NUDCD1: variants seen among roughly 807,000 people sequenced by gnomAD.
The protein encoded by NUDCD1 is NudC domain containing 1, also known as nudC domain-containing protein 1.
In NUDCD1, 60 loss-of-function variants were observed where a neutral mutation model predicts 67.8. The ratio of observed to expected loss-of-function variants is 0.88; its 90% CI spans 0.72 to 1.10. The LOEUF (loss-of-function observed/expected upper bound fraction) is 1.10. Among genes scored for constraint, NUDCD1 ranks in the 50% least tolerant of loss-of-function variants. The probability of loss-of-function intolerance (pLI) is 0.00; values close to 1 mark genes in which losing one functional copy is unlikely to be tolerated. For synonymous variants in NUDCD1, 244 were observed against 230.8 expected (o/e 1.06, Z -0.52); for missense variants, 643 against 695.0 (o/e 0.93, Z 0.84).
In NUDCD1 at chr8:109,241,247, T is replaced by C. The variant is rs1369222524; in HGVS notation, c.*1762A>G. On this transcript the variant is annotated 3_prime_UTR_variant, in exon 10 of 10. Transcript: ENST00000239690. ...AAAAAAATCACATGCACAAAGAATA[T>C]TGATTACTAAAATTGGCAATATATA... 5 of 152,166 alleles carry C rather than the reference T, an allele frequency of 3.3e-5. No individual in the cohort carries two copies. Among genetic ancestry groups the C allele is most frequent in the African/African-American group, 9.7e-5 (4 of 41,444 alleles). The allele number at this position is 152,166 out of a possible 1,614,324, so 9.4% of individuals were successfully genotyped here.
intron 2 of NUDCD1, among the ~76,000 whole-genome samples, chr8:109,319,101 G>A (rs888376682): frequency 1.3e-5 from 2 of 151,758 alleles, no homozygotes; most frequent in East Asian, 3.9e-4. Context: ...AGCCTCCTGA[G>A]TAGCTGGGAC....
At chr8:109,273,139 G>A (rs779648305) in intron 7 of NUDCD1, among the ~76,000 whole-genome samples, 105 of 152,090 alleles carry the variant, frequency 6.9e-4, no homozygotes, top group Non-Finnish European at 1.1e-3. Context: ...AAACTGAGTC[G>A]AAAAAGACAA....
chr8:109,273,065 G>A (rs1814195035), intron 7 of NUDCD1, among the ~76,000 whole-genome samples: 1 of 152,172 alleles, frequency 6.6e-6, no homozygotes, highest in Admixed American at 6.6e-5. Context: ...AGAGAGACAA[G>A]GAAATTGCAG....
intron 2 of NUDCD1, among the ~76,000 whole-genome samples, chr8:109,308,108 C>T (rs190222599): frequency 6.6e-6 from 1 of 152,292 alleles, no homozygotes; most frequent in Admixed American, 6.5e-5. Context: ...TTAAACTATA[C>T]CCTGGAACAA....
At chr8:109,261,804 C>T (rs918803474) in intron 8 of NUDCD1, among the ~76,000 whole-genome samples, 18 of 151,884 alleles carry the variant, frequency 1.2e-4, no homozygotes, top group South Asian at 2.1e-4. Flanking sequence ...ATAATTTGCC[C>T]GGTTTAATTA....
rs1311858295 is a variant in NUDCD1, at chr8:109,293,513, A to G, written c.471T>C (p.Asn157=). The G allele has an allele frequency of 6.5e-7, 1 of 1,534,482 alleles. No individual in the cohort carries two copies. The highest frequency in any genetic ancestry group is 2.2e-5 in the Admixed American group (1 of 45,852). ...TAATAAAAGGATCCCCAAGTTCTTC[A>G]TTAAACATAATCTACAAAACAAAAT... is the stretch of plus-strand genomic sequence containing the variant. ...SASEKWEIMF[N]EELGDPFIII... is the part of the protein sequence containing the mutation. The change falls in exon 4 of 10, where the codon AAT becomes AAC. Residue 157 remains asparagine, a synonymous_variant. Coordinates refer to ENST00000239690, the MANE Select transcript of NUDCD1 (RefSeq NM_032869.4).
At chr8:109,320,846 T>C (rs1195280049) in intron 2 of NUDCD1, among the ~76,000 whole-genome samples, 2 of 152,068 alleles carry the variant, frequency 1.3e-5, no homozygotes, top group African/African-American at 4.8e-5. Context: ...CCATTTGGGG[T>C]CCCTGACTTC....
At position 109,328,322 on chromosome 8, in the gene NUDCD1, GAAGA is replaced by G. The variant is rs1815724687; in HGVS notation, c.118+5567_118+5570del. ...CACCAGCTTTTCTTCCCCCTTCTCTGAAGAAAGAAAAAGGCCAGAGTACTTGTAT... is the reference window on the plus strand; with the variant it reads ...CACCAGCTTTTCTTCCCCCTTCTCTGAAGAAAAAGGCCAGAGTACTTGTAT... On this transcript the variant is annotated intron_variant, in intron 1 of 9. Coordinates refer to ENST00000239690, the MANE Select transcript of NUDCD1 (RefSeq NM_032869.4). 2.0e-5 allele frequency among the ~76,000 whole-genome samples: 3 copies of G among 152,088 alleles called. No homozygotes were observed. In the South Asian group the frequency reaches 6.2e-4, roughly 31 times the overall value.
intron 2 of NUDCD1, among the ~76,000 whole-genome samples, chr8:109,309,626 G>C (rs1338575928): frequency 1.3e-5 from 2 of 152,108 alleles, no homozygotes; most frequent in African/African-American, 2.4e-5. Flanking sequence ...CAAAGAGAAA[G>C]AAATAAAGGG....
Position 109,243,251 on chromosome 8 carries a change from T to C in NUDCD1, c.1510A>G (p.Asn504Asp), listed in dbSNP as rs755018748. 1.2e-6 allele frequency: 2 copies of C among 1,607,014 alleles called. No individual in the cohort carries two copies. Among genetic ancestry groups the C allele is most frequent in the Non-Finnish European group, 8.5e-7 (1 of 1,174,898 alleles). ...TCACAAAGGGCTGCATACGAGTAAT[T>C]TGGAGCACAGGCAAAAAATTTTTTG... is the stretch of plus-strand genomic sequence containing the variant. ...RDKKFFACAP[N>D]YSYAALCECL... is the part of the protein sequence containing the mutation. The change falls in exon 10 of 10, where the codon AAT becomes GAT. Residue 504 changes from asparagine to aspartate, a missense_variant. Coordinates refer to ENST00000239690, the MANE Select transcript of NUDCD1 (RefSeq NM_032869.4).
At chr8:109,302,732 T>A (rs1012871001) in intron 2 of NUDCD1, among the ~76,000 whole-genome samples, 5 of 152,126 alleles carry the variant, frequency 3.3e-5, no homozygotes, top group African/African-American at 1.2e-4. Flanking sequence ...CTCTTTTTCA[T>A]CAAATATGAA....
At chr8:109,269,355 T>C (rs1171815261) in intron 8 of NUDCD1, among the ~76,000 whole-genome samples, 1 of 152,246 alleles carries the variant, frequency 6.6e-6, no homozygotes, top group Non-Finnish European at 1.5e-5. Context: ...ACCTCATTTA[T>C]CTACACTGGT....
chr8:109,306,637 C>T (rs563897536), intron 2 of NUDCD1, among the ~76,000 whole-genome samples: 2 of 151,626 alleles, frequency 1.3e-5, no homozygotes, highest in African/African-American at 2.4e-5. Flanking sequence ...TTGAACCCCC[C>T]CCACCCCCGG....
intron 2 of NUDCD1, among the ~76,000 whole-genome samples, chr8:109,302,270 A>C (rs1301153996): frequency 6.6e-6 from 1 of 152,152 alleles, no homozygotes; most frequent in Non-Finnish European, 1.5e-5. Flanking sequence ...AGATCTAGAT[A>C]ATTCTTCTCA....
intron 8 of NUDCD1, among the ~76,000 whole-genome samples, chr8:109,251,062 AT>A (rs771817036): frequency 6.6e-6 from 1 of 152,204 alleles, no homozygotes; most frequent in Non-Finnish European, 1.5e-5. Flanking sequence ...ATTTGGTAAA[AT>A]AAACCAGTGA....
intron 1 of NUDCD1, among the ~76,000 whole-genome samples, chr8:109,327,369 G>A (rs1243047100): frequency 6.6e-6 from 1 of 152,092 alleles, no homozygotes; most frequent in Non-Finnish European, 1.5e-5. Flanking sequence ...AAATACAATG[G>A]TTACGTGGCT....
chr8:109,332,418 C>T (rs908035898), intron 1 of NUDCD1, among the ~76,000 whole-genome samples: 5 of 152,136 alleles, frequency 3.3e-5, no homozygotes, highest in Non-Finnish European at 4.4e-5. Context: ...TGGTACCAAC[C>T]TGGGCTAGTC....
intron 5 of NUDCD1, among the ~76,000 whole-genome samples, chr8:109,287,899 C>T (rs1376587809): frequency 1.3e-5 from 2 of 152,098 alleles, no homozygotes; most frequent in African/African-American, 4.8e-5. Flanking sequence ...TATACAAACA[C>T]CTAAATAATT....
At chr8:109,333,853 G>A (rs911834993) in intron 1 of NUDCD1, 40 bp downstream of exon 1, 2 of 1,609,478 alleles carry the variant, frequency 1.2e-6, no homozygotes, top group Non-Finnish European at 1.7e-6. Context: ...CAGCCGAAAG[G>A]GGAAAGGAAC....
Sources: allele counts gnomAD v4.1 joint callset (sites outside exome capture counted in the v4.1 genomes callset), GRCh38; gene constraint gnomAD v4.1.1; transcripts MANE v1.5; gene names NCBI Gene and HGNC (gene_info 2026-07-23, HGNC 2026-07-21).